Variants in PLEKHA5 observed in about 807,000 individuals in gnomAD.
The protein encoded by PLEKHA5 is pleckstrin homology domain-containing family A member 5.
Under a neutral mutation model 181.9 loss-of-function variants are expected in PLEKHA5, and 55 were observed. That is an observed-to-expected ratio of 0.30 (90% confidence interval 0.24 to 0.38). PLEKHA5 has a LOEUF of 0.38. PLEKHA5 is among the 10% of genes least tolerant of loss of function. PLEKHA5 has a pLI of 1.00. For synonymous variants in PLEKHA5, 535 were observed against 529.4 expected, an observed-to-expected ratio of 1.01 and a Z score of -0.15; for missense variants, 1,432 against 1,549.5, an observed-to-expected ratio of 0.92 and a Z score of 1.27.
chr12:19,310,830 T>A (rs1385760589), intron 15 of PLEKHA5, among the ~76,000 whole-genome samples: 1 of 152,126 alleles, frequency 6.6e-6, no homozygotes, highest in Non-Finnish European at 1.5e-5. Context: ...ATGATTATAC[T>A]GTATTCTGTT....
chr12:19,162,717 C>A (rs1354907685), intron 3 of PLEKHA5, among the ~76,000 whole-genome samples: 3 of 152,130 alleles, frequency 2.0e-5, no homozygotes, highest in East Asian at 3.9e-4. Flanking sequence ...GTCATTCAAT[C>A]TCCCTGCCTC....
rs1028669854 is a variant in PLEKHA5 at position 19,376,344 on chromosome 12, A to G, written c.*825A>G. ...GGCTACTTACTATTGTTTAAATGCAAATGTTCATATCTCATTTCTTTTTTT... is the reference window on the plus strand; with the variant it reads ...GGCTACTTACTATTGTTTAAATGCAGATGTTCATATCTCATTTCTTTTTTT... On this transcript the variant is annotated 3_prime_UTR_variant, in exon 32 of 32. Coordinates refer to ENST00000429027, the MANE Select transcript of PLEKHA5 (RefSeq NM_001256470.2). 1 of 152,568 alleles carries G rather than the reference A, an allele frequency of 6.6e-6. No individual in the cohort carries two copies. The highest frequency in any genetic ancestry group is 2.4e-5 in the African/African-American group (1 of 41,434). 9.5% of individuals were successfully genotyped at this position (152,568 alleles called of 1,614,324 possible).
rs190486734 is a variant in PLEKHA5, at chr12:19,190,830, G to A, written c.227+58380G>A. On this transcript the variant is annotated intron_variant, in intron 3 of 31. Transcript: ENST00000429027. ...AAGCAGAACTGAGATTAGGAAAAAA[G>A]CAACTGAGCCAGAGCCAATTTTCAC... 4.7e-3 allele frequency among the ~76,000 whole-genome samples: 716 copies of A among 152,256 alleles called. 4 individuals are homozygous for A. Among genetic ancestry groups the A allele is most frequent in the Non-Finnish European group, 6.8e-3 (464 of 68,022 alleles).
intron 3 of PLEKHA5, among the ~76,000 whole-genome samples, chr12:19,251,639 G>C (rs1490154576): frequency 6.7e-6 from 1 of 148,156 alleles, no homozygotes; most frequent in East Asian, 2.0e-4. Context: ...GTTGTGTTGT[G>C]CTCAAATTGT....
chr12:19,240,441 T>TTG (rs1491499895), intron 3 of PLEKHA5, among the ~76,000 whole-genome samples: 4 of 104,248 alleles, frequency 3.8e-5, no homozygotes, highest in African/African-American at 1.7e-4. Context: ...CATTAGGGAG[T>TTG]TTTTTTTTTT....
chr12:19,353,991 G>A lies in PLEKHA5; in HGVS notation c.3127G>A (p.Asp1043Asn), dbSNP rs763598973. The A allele has an allele frequency of 1.3e-6, 2 of 1,503,744 alleles. No individual in the cohort carries two copies. Among genetic ancestry groups the A allele is most frequent in the South Asian group, 2.3e-5 (2 of 88,528 alleles). The allele number at this position is 1,503,744 out of a possible 1,614,324, so 93.2% of individuals were successfully genotyped here. A position where few individuals can be genotyped will look rare whatever the true frequency, so the allele number is the denominator to read the frequency against. ...CTTGAGGAAAACTAAGAAGATGATG[G>A]ATCTAAGAACGGTATTTAACTGGAA... ...VTLRKTKKMM[D>N]LRTERPRSAV... is the part of the protein sequence containing the mutation. Residue 1043 changes from aspartate to asparagine, a missense_variant, in exon 26 of 32, where the codon GAT becomes AAT. Transcript: ENST00000429027.
chr12:19,262,361 G>A (rs2068769329), intron 7 of PLEKHA5, among the ~76,000 whole-genome samples: 1 of 152,070 alleles, frequency 6.6e-6, no homozygotes, highest in Non-Finnish European at 1.5e-5. Context: ...AGCCTCCCAA[G>A]TAGCTGGGAT....
intron 3 of PLEKHA5, among the ~76,000 whole-genome samples, chr12:19,158,114 A>T (rs1254295039): frequency 6.6e-6 from 1 of 152,048 alleles, no homozygotes; most frequent in Non-Finnish European, 1.5e-5. Flanking sequence ...GCACTTTGGG[A>T]GGCCGAGGTG....
At chr12:19,317,090 G>C (rs567023661) in intron 16 of PLEKHA5, among the ~76,000 whole-genome samples, 2 of 152,102 alleles carry the variant, frequency 1.3e-5, no homozygotes, top group Non-Finnish European at 2.9e-5. Context: ...ATCCAGGCTT[G>C]TCGAGGTGGC....
rs150447903 is a variant in PLEKHA5, at chr12:19,209,712, G to T, written c.228-44228G>T. Among the ~76,000 whole-genome samples, 200 of 152,274 alleles carry T rather than the reference G, an allele frequency of 1.3e-3. 2 individuals carry two copies. Among genetic ancestry groups the T allele is most frequent in the African/African-American group, 4.5e-3 (189 of 41,562 alleles). On this transcript the variant is annotated intron_variant, in intron 3 of 31. Transcript: ENST00000429027. ...GCAGTGGCTACCAAGAGGTGGAAGT[G>T]GTTTAGTCAAAGCAAAAGTGAACTG...
intron 15 of PLEKHA5, among the ~76,000 whole-genome samples, chr12:19,297,779 A>G (rs1038816786): frequency 6.6e-6 from 1 of 151,300 alleles, no homozygotes; most frequent in African/African-American, 2.4e-5. Flanking sequence ...TGAGAATGAA[A>G]AACATTTCAT....
At chr12:19,177,285 A>C (rs1402019805) in intron 3 of PLEKHA5, among the ~76,000 whole-genome samples, 1 of 152,198 alleles carries the variant, frequency 6.6e-6, no homozygotes, top group Non-Finnish European at 1.5e-5. Flanking sequence ...GAGATGTGAT[A>C]ATTAATGATG....
intron 3 of PLEKHA5, among the ~76,000 whole-genome samples, chr12:19,216,517 G>A (rs997007475): frequency 6.6e-6 from 1 of 152,058 alleles, no homozygotes; most frequent in Non-Finnish European, 1.5e-5. Flanking sequence ...ACAAAAATTA[G>A]CCAGGCGTGG....
At position 19,340,960 on chromosome 12, in the gene PLEKHA5, A is replaced by G. The variant is rs1355088441; in HGVS notation, c.2551-2363A>G. On this transcript the variant is annotated intron_variant, in intron 21 of 31. Transcript: ENST00000429027. ...GAATGATCAATAAAAAAAAAAAAAA[A>G]AAGAAAGAAAAGAAAAATAGTTCAA... 6.8e-3 allele frequency among the ~76,000 whole-genome samples: 801 copies of G among 117,942 alleles called. 5 individuals carry two copies. The highest frequency in any genetic ancestry group is 0.01 in the Non-Finnish European group (578 of 55,694). 77.4% of individuals were successfully genotyped at this position (117,942 alleles called of 152,430 possible).
intron 3 of PLEKHA5, among the ~76,000 whole-genome samples, chr12:19,197,591 CAAAGATCTGTTTTTCCCA>C (rs936667191): frequency 5.9e-5 from 9 of 151,682 alleles, no homozygotes; most frequent in Non-Finnish European, 1.2e-4. Flanking sequence ...TCCCTGAAGA[CAAAGATCTGTTTTTCCCA>C]AAGATACACC....
chr12:19,365,905 AG>A, intron 29 of PLEKHA5, 58 bp from the exon 30 acceptor site: 2 of 1,238,862 alleles, frequency 1.6e-6, no homozygotes, highest in Non-Finnish European at 1.1e-6. Context: ...AACAAAAAAA[AG>A]AAAAATTAAT....
intron 3 of PLEKHA5, among the ~76,000 whole-genome samples, chr12:19,226,286 C>T (rs1249568493): frequency 6.6e-6 from 1 of 152,138 alleles, no homozygotes; most frequent in Non-Finnish European, 1.5e-5. Context: ...CTTTTTATGG[C>T]TGAATAATAT....
intron 31 of PLEKHA5, chr12:19,373,723 T>C (rs184571166): frequency 4.4e-4 from 66 of 151,210 alleles, no homozygotes; most frequent in Admixed American, 3.7e-3. Flanking sequence ...ACACAAAACA[T>C]AGGAAAAATA....
chr12:19,281,371 G>T (rs1024893183), intron 11 of PLEKHA5, among the ~76,000 whole-genome samples: 4 of 152,084 alleles, frequency 2.6e-5, no homozygotes, highest in Non-Finnish European at 5.9e-5. Context: ...GAGCTCAGGA[G>T]TTTGAGATCG....
Sources: allele counts gnomAD v4.1 joint callset (sites outside exome capture counted in the v4.1 genomes callset), GRCh38; gene constraint gnomAD v4.1.1; transcripts MANE v1.5; gene names NCBI Gene and HGNC (gene_info 2026-07-23, HGNC 2026-07-21).